Variants in NCEH1 observed in about 807,000 individuals in gnomAD.
NCEH1 encodes neutral cholesterol ester hydrolase 1, also known as 2-acetyl MAGE hydrolase.
In NCEH1, 9 loss-of-function variants were observed where a neutral mutation model predicts 25.4. The ratio of observed to expected loss-of-function variants is 0.35; its 90% CI spans 0.21 to 0.62. The LOEUF is 0.62. Ranked by LOEUF, NCEH1 falls within the 20% of genes least tolerant of loss-of-function variation. The pLI is 0.72. For synonymous variants in NCEH1, 200 were observed against 199.8 expected, an observed-to-expected ratio of 1.00 and a Z score of -0.01; for missense variants, 412 against 501.1, an observed-to-expected ratio of 0.82 and a Z score of 1.70.
chr3:172,690,820 A>G (rs542284934), intron 1 of NCEH1, among the ~76,000 whole-genome samples: 15 of 152,292 alleles, frequency 9.8e-5, no homozygotes, highest in African/African-American at 3.6e-4. Context: ...ACATACACAA[A>G]AAGAAACAGT....
intron 1 of NCEH1, among the ~76,000 whole-genome samples, chr3:172,705,392 T>C (rs1045522397): frequency 2.0e-5 from 3 of 152,222 alleles, no homozygotes; most frequent in Non-Finnish European, 2.9e-5. Context: ...TTGTTCTTTA[T>C]CTATGATAAA....
intron 1 of NCEH1, among the ~76,000 whole-genome samples, chr3:172,693,307 CT>C (rs1713169618): frequency 6.6e-6 from 1 of 152,136 alleles, no homozygotes; most frequent in Non-Finnish European, 1.5e-5. Context: ...TTAAGTATAA[CT>C]TCAACATCTA....
At chr3:172,655,655 A>G (rs1441899433) in intron 1 of NCEH1, among the ~76,000 whole-genome samples, 1 of 152,214 alleles carries the variant, frequency 6.6e-6, no homozygotes, top group Non-Finnish European at 1.5e-5. Context: ...CCTATTCTCA[A>G]CTAGAATACA....
intron 1 of NCEH1, among the ~76,000 whole-genome samples, chr3:172,679,667 C>G (rs1486619971): frequency 6.6e-6 from 1 of 151,776 alleles, no homozygotes; most frequent in Non-Finnish European, 1.5e-5. Flanking sequence ...AGAAACAACC[C>G]CTGAATCATC....
rs1316658735 is a variant in NCEH1 at position 172,631,238 on chromosome 3, AC to A, written c.*2236del. 6.6e-6 allele frequency: 1 copy of A among 152,184 alleles called. No homozygotes were observed. The highest frequency in any genetic ancestry group is 1.5e-5 in the Non-Finnish European group (1 of 68,028). The allele number at this position is 152,184 out of a possible 1,614,324, so 9.4% of individuals were successfully genotyped here. A position where few individuals can be genotyped will look rare whatever the true frequency, so the allele number is the denominator to read the frequency against. On this transcript the variant is annotated 3_prime_UTR_variant, in exon 5 of 5. Transcript: ENST00000475381. ...TCTGGGGAAAATGCCAATTGAAGGA[AC>A]CCTGCCTATACATTTTATTTTCTTT...
At chr3:172,636,177 G>T in intron 3 of NCEH1, 90 bp from the exon 4 acceptor site, 1 of 714,068 alleles carries the variant, frequency 1.4e-6, no homozygotes. Context: ...TTTTAAATCT[G>T]GAAATAGATA....
chr3:172,675,331 A>AAATTAATTAATT (rs1553835615), intron 1 of NCEH1, among the ~76,000 whole-genome samples: 4 of 150,374 alleles, frequency 2.7e-5, no homozygotes, highest in African/African-American at 9.9e-5. Flanking sequence ...ATAAATAAAT[A>AAATTAATTAATT]AATAAATAAA....
At chr3:172,698,035 G>A (rs1243756213) in intron 1 of NCEH1, among the ~76,000 whole-genome samples, 2 of 143,020 alleles carry the variant, frequency 1.4e-5, no homozygotes, top group Non-Finnish European at 3.0e-5. Context: ...GGAGTACAGT[G>A]GCGTGATCTC....
chr3:172,677,084 G>T (rs1426113098), intron 1 of NCEH1, among the ~76,000 whole-genome samples: 1 of 152,108 alleles, frequency 6.6e-6, no homozygotes, highest in Non-Finnish European at 1.5e-5. Context: ...AGTAGCAGCT[G>T]ACTAAAAGCA....
Position 172,632,345 on chromosome 3 carries a change from A to T in NCEH1, c.*1130T>A, listed in dbSNP as rs4490388. The T allele has an allele frequency of 0.3, 45,449 of 152,060 alleles. 7,023 individuals carry two copies. Among genetic ancestry groups the T allele is most frequent in the Non-Finnish European group, 0.34 (23,050 of 67,930 alleles). 9.4% of individuals were successfully genotyped at this position (152,060 alleles called of 1,614,324 possible). A position where few individuals can be genotyped will look rare whatever the true frequency, so the allele number is the denominator to read the frequency against. On this transcript the variant is annotated 3_prime_UTR_variant, in exon 5 of 5. Coordinates refer to ENST00000475381, the MANE Select transcript of NCEH1 (RefSeq NM_020792.6). ...TTTTAAAACCCTAAGGCAGTTTTTT[A>T]AAAAATACCATTGTTTTTAATATTT...
intron 1 of NCEH1, chr3:172,680,971 G>A (rs1421222156): frequency 6.8e-6 from 1 of 146,330 alleles, no homozygotes. Flanking sequence ...GAAGCCAAAT[G>A]TGATGAGACA....
intron 1 of NCEH1, among the ~76,000 whole-genome samples, chr3:172,710,117 C>G (rs561165926): frequency 3.2e-4 from 48 of 152,302 alleles, no homozygotes; most frequent in Admixed American, 8.5e-4. Flanking sequence ...GGCAGGTAAC[C>G]TCGCTCAGGA....
intron 3 of NCEH1, among the ~76,000 whole-genome samples, chr3:172,644,244 A>G (rs1351327454): frequency 6.6e-6 from 1 of 150,898 alleles, no homozygotes; most frequent in East Asian, 1.9e-4. Context: ...CTTTGGGGTG[A>G]CTCTAGGGCT....
chr3:172,673,824 A>G (rs1373082040), intron 1 of NCEH1, among the ~76,000 whole-genome samples: 1 of 152,228 alleles, frequency 6.6e-6, no homozygotes, highest in Non-Finnish European at 1.5e-5. Flanking sequence ...GAAACAGAAT[A>G]GGCCACTTCT....
At chr3:172,688,152 TG>T (rs1712802135) in intron 1 of NCEH1, among the ~76,000 whole-genome samples, 1 of 151,900 alleles carries the variant, frequency 6.6e-6, no homozygotes, top group African/African-American at 2.4e-5. Flanking sequence ...CTGACCAACA[TG>T]GTGAAACCCC....
chr3:172,710,357 T>C (rs1265610354), intron 1 of NCEH1, among the ~76,000 whole-genome samples: 1 of 152,156 alleles, frequency 6.6e-6, no homozygotes, highest in Non-Finnish European at 1.5e-5. Context: ...AACGGAGCGC[T>C]CCACAGCCTG....
chr3:172,653,755 T>TTTTTTTTTG (rs1717547559), intron 1 of NCEH1, among the ~76,000 whole-genome samples: 3 of 62,498 alleles, frequency 4.8e-5, no homozygotes, highest in African/African-American at 2.1e-4. Flanking sequence ...TTTTTTTGTT[T>TTTTTTTTTG]TTTTGTTTTT....
chr3:172,675,611 C>T (rs1032951594), intron 1 of NCEH1, among the ~76,000 whole-genome samples: 6 of 152,122 alleles, frequency 3.9e-5, no homozygotes, highest in African/African-American at 1.2e-4. Flanking sequence ...AAAATTAATG[C>T]TAAAGTTACT....
At chr3:172,694,394 CTGTGTG>C (rs768064072) in intron 1 of NCEH1, among the ~76,000 whole-genome samples, 4 of 130,742 alleles carry the variant, frequency 3.1e-5, no homozygotes, top group Admixed American at 1.6e-4. Context: ...GTGTGTGTGT[CTGTGTG>C]TGTGTGTGTG....
Sources: gnomAD v4.1 joint callset for allele counts (sites outside exome capture counted in the v4.1 genomes callset) on GRCh38, gnomAD v4.1.1 for gene constraint, MANE v1.5 for transcripts, NCBI Gene and HGNC (gene_info 2026-07-23, HGNC 2026-07-21) for gene names.